GPR63: variants seen among roughly 807,000 people sequenced by gnomAD.
The protein encoded by GPR63 is probable G protein-coupled receptor 63.
In GPR63, 12 loss-of-function variants were observed where a neutral mutation model predicts 23.1. The observed-to-expected ratio is 0.52, with a 90% CI of 0.33 to 0.84. The LOEUF (loss-of-function observed/expected upper bound fraction) is 0.84, where lower values mean the gene tolerates loss of function less well. Among genes scored for constraint, GPR63 ranks in the 40% least tolerant of loss-of-function variants. The pLI is 0.02. For synonymous variants in GPR63, 172 were observed against 191.1 expected (o/e 0.90, Z 0.82); for missense variants, 472 against 515.6 (o/e 0.92, Z 0.82).
intron 1 of GPR63, among the ~76,000 whole-genome samples, chr6:96,831,780 C>A (rs143005259): frequency 6.6e-6 from 1 of 151,942 alleles, no homozygotes; most frequent in Non-Finnish European, 1.5e-5. Context: ...GTGATCGGCA[C>A]CAGTAATCCC....
intron 1 of GPR63, among the ~76,000 whole-genome samples, chr6:96,809,682 G>A (rs986626928): frequency 1.8e-4 from 28 of 152,142 alleles, no homozygotes; most frequent in Non-Finnish European, 7.4e-5. Flanking sequence ...CTAAGAAAAT[G>A]TCATCTAAAT....
intron 1 of GPR63, among the ~76,000 whole-genome samples, chr6:96,812,925 T>C (rs1774077924): frequency 6.6e-6 from 1 of 152,128 alleles, no homozygotes; most frequent in South Asian, 2.1e-4. Context: ...TACTCTGCTA[T>C]TGAACATGAG....
chr6:96,819,525 G>T (rs141839872), intron 1 of GPR63, among the ~76,000 whole-genome samples: 1 of 151,912 alleles, frequency 6.6e-6, no homozygotes, highest in East Asian at 1.9e-4. Flanking sequence ...CGGGGTGCAG[G>T]GGGACAGGGG....
intron 1 of GPR63, among the ~76,000 whole-genome samples, chr6:96,830,569 A>G (rs1433318350): frequency 6.6e-6 from 1 of 152,214 alleles, no homozygotes; most frequent in Non-Finnish European, 1.5e-5. Flanking sequence ...GAAGGAAAGG[A>G]AACTATTCCA....
chr6:96,802,994 C>T (rs957328790), intron 1 of GPR63, among the ~76,000 whole-genome samples: 3 of 152,168 alleles, frequency 2.0e-5, no homozygotes, highest in Non-Finnish European at 2.9e-5. Flanking sequence ...CCCCACTCCA[C>T]ACCTAGTTCT....
chr6:96,811,786 G>C (rs887890371), intron 1 of GPR63, among the ~76,000 whole-genome samples: 1 of 149,548 alleles, frequency 6.7e-6, no homozygotes, highest in African/African-American at 2.5e-5. Flanking sequence ...TGAAAAAGGT[G>C]GAACCAGAAA....
At chr6:96,822,612 C>T (rs1447952410) in intron 1 of GPR63, among the ~76,000 whole-genome samples, 1 of 152,172 alleles carries the variant, frequency 6.6e-6, no homozygotes, top group African/African-American at 2.4e-5. Flanking sequence ...GACTTACACA[C>T]TTCTTTAAAT....
chr6:96,809,380 C>T (rs1443212761), intron 1 of GPR63, among the ~76,000 whole-genome samples: 1 of 152,164 alleles, frequency 6.6e-6, no homozygotes, highest in African/African-American at 2.4e-5. Flanking sequence ...AGGAGCACCA[C>T]ATTACAACTT....
At chr6:96,808,089 A>C (rs925478132) in intron 1 of GPR63, among the ~76,000 whole-genome samples, 7 of 152,196 alleles carry the variant, frequency 4.6e-5, no homozygotes, top group Non-Finnish European at 5.9e-5. Flanking sequence ...TTTACATATC[A>C]CATGTATGTT....
chr6:96,798,828 T>C lies in GPR63; in HGVS notation c.904A>G (p.Met302Val), dbSNP rs776222221. The C allele has an allele frequency of 4.3e-6, 7 of 1,614,072 alleles. No homozygotes were observed. The highest frequency in any genetic ancestry group is 4.0e-5 in the African/African-American group (3 of 74,924). The change falls in exon 2 of 2, where the codon ATG (methionine) becomes GTG (valine). Residue 302 changes from methionine to valine, a missense_variant. Met to Val is a conservative substitution (Grantham distance 21). Transcript: ENST00000229955. ...GLMSLQRPFQMSIDMGFKTRA... is the reference protein window; with the variant it reads ...GLMSLQRPFQVSIDMGFKTRA... ...GTTTTAAAGCCCATGTCAATGCTCA[T>C]CTGGAAAGGTCTCTGCAGACTCATG...
intron 1 of GPR63, among the ~76,000 whole-genome samples, chr6:96,835,093 A>G (rs1774690752): frequency 6.6e-6 from 1 of 152,210 alleles, no homozygotes; most frequent in African/African-American, 2.4e-5. Context: ...AATTCAATCC[A>G]TTTGAATAGA....
At chr6:96,831,938 T>A (rs1301976047) in intron 1 of GPR63, among the ~76,000 whole-genome samples, 1 of 151,628 alleles carries the variant, frequency 6.6e-6, no homozygotes, top group Non-Finnish European at 1.5e-5. Context: ...AAATAAAAAT[T>A]TTTTAAAAAT....
Position 96,798,356 on chromosome 6 carries a change from C to T in GPR63, c.*116G>A. Reference sequence around the variant, plus strand: ...ATTACCATTCTTTCTTTACACTGCTCACACACATACATACACAAACCCTAT... The same window carrying T: ...ATTACCATTCTTTCTTTACACTGCTTACACACATACATACACAAACCCTAT... On this transcript the variant is annotated 3_prime_UTR_variant, in exon 2 of 2. Transcript: ENST00000229955. The T allele has an allele frequency of 2.0e-6, 2 of 981,352 alleles. No homozygotes were observed. The highest frequency in any genetic ancestry group is 3.0e-6 in the Non-Finnish European group (2 of 665,526). 60.8% of individuals were successfully genotyped at this position (981,352 alleles called of 1,614,324 possible).
At chr6:96,814,202 T>C (rs1294499979) in intron 1 of GPR63, among the ~76,000 whole-genome samples, 1 of 152,086 alleles carries the variant, frequency 6.6e-6, no homozygotes, top group Non-Finnish European at 1.5e-5. Flanking sequence ...ATGTAAATTA[T>C]AGATGAGGAA....
chr6:96,800,106 G>A (rs1294922360), intron 1 of GPR63, among the ~76,000 whole-genome samples: 2 of 152,238 alleles, frequency 1.3e-5, no homozygotes, highest in African/African-American at 2.4e-5. Flanking sequence ...GCAAAAGTGC[G>A]AGGAATCTCA....
chr6:96,812,931 A>G (rs1774078073), intron 1 of GPR63, among the ~76,000 whole-genome samples: 1 of 152,148 alleles, frequency 6.6e-6, no homozygotes, highest in African/African-American at 2.4e-5. Context: ...GCTATTGAAC[A>G]TGAGAACTTC....
chr6:96,823,447 T>C (rs1774359940), intron 1 of GPR63, among the ~76,000 whole-genome samples: 2 of 152,060 alleles, frequency 1.3e-5, no homozygotes, highest in African/African-American at 4.8e-5. Flanking sequence ...AAAAGGCATA[T>C]AGACTAAAGA....
chr6:96,800,011 T>A, intron 1 of GPR63, 130 bp from the exon 2 acceptor site: 1 of 425,424 alleles, frequency 2.4e-6, no homozygotes. Flanking sequence ...TATTTTAGTC[T>A]CCAGTGTAGT....
At chr6:96,803,501 G>C (rs1351419550) in intron 1 of GPR63, among the ~76,000 whole-genome samples, 1 of 152,178 alleles carries the variant, frequency 6.6e-6, no homozygotes, top group African/African-American at 2.4e-5. Context: ...AAAATACTAA[G>C]GAACATAGCA....
Sources: allele counts gnomAD v4.1 joint callset (sites outside exome capture counted in the v4.1 genomes callset), GRCh38; gene constraint gnomAD v4.1.1; transcripts MANE v1.5; gene names NCBI Gene and HGNC (gene_info 2026-07-23, HGNC 2026-07-21).